Variants in HECW1 observed in about 807,000 individuals in gnomAD.
HECW1 encodes HECT, C2 and WW domain containing E3 ubiquitin protein ligase 1.
A neutral mutation model predicts 182.3 loss-of-function variants in HECW1; 61 were observed. The observed-to-expected ratio is 0.33, with a 90% CI of 0.27 to 0.41. HECW1 has a LOEUF of 0.41. Ranked by LOEUF, HECW1 falls within the 10% of genes least tolerant of loss-of-function variation. The pLI, the probability that HECW1 is intolerant of heterozygous loss-of-function variation, is 1.00. For missense variants in HECW1, 1,739 were observed against 2,108.9 expected, an observed-to-expected ratio of 0.82 and a Z score of 3.44; for synonymous variants, 859 against 832.6, an observed-to-expected ratio of 1.03 and a Z score of -0.55.
At chr7:43,488,488 G>GAAAGAGAA (rs767310220) in intron 17 of HECW1, among the ~76,000 whole-genome samples, 3 of 112,616 alleles carry the variant, frequency 2.7e-5, no homozygotes, top group East Asian at 2.8e-4. Flanking sequence ...AAGAAAGAAA[G>GAAAGAGAA]AGAAAGAAAG....
At chr7:43,558,471 G>A (rs1468784457) in intron 29 of HECW1, among the ~76,000 whole-genome samples, 7 of 152,200 alleles carry the variant, frequency 4.6e-5, no homozygotes, top group Admixed American at 6.5e-5. Context: ...GATTCTCAAA[G>A]TGGGGCTGGG....
chr7:43,401,681 A>T (rs1271468847), intron 7 of HECW1, among the ~76,000 whole-genome samples: 1 of 149,736 alleles, frequency 6.7e-6, no homozygotes, highest in African/African-American at 2.5e-5. Context: ...GTCTTCTGAG[A>T]TGCCAAAATA....
At chr7:43,441,648 G>T (rs2076892170) in intron 9 of HECW1, among the ~76,000 whole-genome samples, 1 of 152,190 alleles carries the variant, frequency 6.6e-6, no homozygotes, top group Non-Finnish European at 1.5e-5. Flanking sequence ...CACAGTCCCT[G>T]TCTAAATTAC....
At chr7:43,409,651 G>A (rs761309153) in intron 8 of HECW1, among the ~76,000 whole-genome samples, 6 of 152,116 alleles carry the variant, frequency 3.9e-5, no homozygotes, top group Admixed American at 1.3e-4. Context: ...TCCATCCCAC[G>A]TGCTGCAGTT....
intron 2 of HECW1, among the ~76,000 whole-genome samples, chr7:43,223,394 G>A (rs934709735): frequency 1.3e-5 from 2 of 152,206 alleles, no homozygotes; most frequent in Non-Finnish European, 2.9e-5. Context: ...GAGGCGGGCA[G>A]ATCACCTGAG....
chr7:43,325,485 C>G (rs1254423573), intron 5 of HECW1, among the ~76,000 whole-genome samples: 2 of 152,158 alleles, frequency 1.3e-5, no homozygotes, highest in Non-Finnish European at 2.9e-5. Context: ...GTCTTGATCT[C>G]TGGCCAAGAT....
chr7:43,153,089 C>T (rs1562603695), intron 2 of HECW1, among the ~76,000 whole-genome samples: 1 of 152,140 alleles, frequency 6.6e-6, no homozygotes, highest in African/African-American at 2.4e-5. Context: ...AGTTCTAGAA[C>T]TTTCTATGAT....
intron 8 of HECW1, among the ~76,000 whole-genome samples, chr7:43,411,243 G>T (rs1199732026): frequency 1.3e-5 from 2 of 151,562 alleles, no homozygotes; most frequent in Non-Finnish European, 2.9e-5. Context: ...TTGACCCATG[G>T]ATTATTTTGA....
chr7:43,546,219 C>CTTTTTTTTTTT (rs34255651), intron 26 of HECW1, among the ~76,000 whole-genome samples: 2 of 91,874 alleles, frequency 2.2e-5, no homozygotes, highest in African/African-American at 4.2e-5. Flanking sequence ...TACCCCCAAC[C>CTTTTTTTTTTT]TTTTTTTTTT....
chr7:43,482,432 GA>G (rs1208877009), intron 17 of HECW1, among the ~76,000 whole-genome samples: 1 of 152,112 alleles, frequency 6.6e-6, no homozygotes, highest in Non-Finnish European at 1.5e-5. Flanking sequence ...GAGCACTGTG[GA>G]ATGCAAAATA....
At chr7:43,292,701 C>T (rs1805541315) in intron 3 of HECW1, among the ~76,000 whole-genome samples, 1 of 152,060 alleles carries the variant, frequency 6.6e-6, no homozygotes, top group African/African-American at 2.4e-5. Context: ...CACATGTCAC[C>T]CAGCACCCGG....
intron 2 of HECW1, among the ~76,000 whole-genome samples, chr7:43,227,749 T>C (rs796830052): frequency 1.1e-4 from 17 of 152,274 alleles, no homozygotes; most frequent in African/African-American, 3.1e-4. Context: ...AGGAATGAAA[T>C]AAGATTAATA....
chr7:43,515,522 T>A (rs1219149991), intron 24 of HECW1, among the ~76,000 whole-genome samples: 1 of 152,198 alleles, frequency 6.6e-6, no homozygotes, highest in East Asian at 1.9e-4. Flanking sequence ...TGAACAAAAC[T>A]TGGTGATAGA....
intron 11 of HECW1, 128 bp from the exon 12 acceptor site, chr7:43,450,700 A>G: frequency 1.5e-6 from 1 of 650,392 alleles, no homozygotes; most frequent in Non-Finnish European, 2.8e-6. Flanking sequence ...AAACTGACAC[A>G]CACACACAAA....
At chr7:43,336,637 T>C (rs1286706503) in intron 5 of HECW1, among the ~76,000 whole-genome samples, 1 of 152,170 alleles carries the variant, frequency 6.6e-6, no homozygotes, top group Non-Finnish European at 1.5e-5. Context: ...GGGCTTCTAA[T>C]CTACCCATCA....
chr7:43,362,559 C>T (rs1211245481), intron 6 of HECW1, among the ~76,000 whole-genome samples: 1 of 152,214 alleles, frequency 6.6e-6, no homozygotes, highest in Non-Finnish European at 1.5e-5. Context: ...CTTCCAGGCC[C>T]GTTTGTTTGG....
intron 8 of HECW1, among the ~76,000 whole-genome samples, chr7:43,412,450 T>C (rs2075834902): frequency 6.6e-6 from 1 of 150,944 alleles, no homozygotes; most frequent in Non-Finnish European, 1.5e-5. Context: ...TATTTATTTA[T>C]TTATTTATTT....
At chr7:43,310,497 G>A (rs774324640) in intron 3 of HECW1, among the ~76,000 whole-genome samples, 8 of 152,216 alleles carry the variant, frequency 5.3e-5, no homozygotes, top group Non-Finnish European at 8.8e-5. Flanking sequence ...GCAACCATCA[G>A]TAGGGCCAAA....
intron 2 of HECW1, among the ~76,000 whole-genome samples, chr7:43,215,018 G>C (rs1796320512): frequency 6.6e-6 from 1 of 152,186 alleles, no homozygotes; most frequent in Admixed American, 6.5e-5. Flanking sequence ...TACCCCTTTT[G>C]GGTATTTATT....
Sources: gnomAD v4.1 joint callset for allele counts (sites outside exome capture counted in the v4.1 genomes callset) on GRCh38, gnomAD v4.1.1 for gene constraint, MANE v1.5 for transcripts, NCBI Gene and HGNC (gene_info 2026-07-23, HGNC 2026-07-21) for gene names.